Variants in JAKMIP1 observed in about 807,000 individuals in gnomAD.
JAKMIP1 encodes the protein janus kinase and microtubule interacting protein 1.
Under a neutral mutation model 113.0 loss-of-function variants are expected in JAKMIP1, and 33 were observed. The observed-to-expected ratio is 0.29, with a 90% confidence interval of 0.22 to 0.39. The LOEUF (loss-of-function observed/expected upper bound fraction) is 0.39. Ranked by LOEUF, JAKMIP1 falls within the 10% of genes least tolerant of loss-of-function variation. The pLI is 1.00. For synonymous variants in JAKMIP1, 480 were observed against 459.9 expected, an observed-to-expected ratio of 1.04 and a Z score of -0.56; for missense variants, 813 against 1,080.5, an observed-to-expected ratio of 0.75 and a Z score of 3.47.
In JAKMIP1 at chr4:6,066,055, T is replaced by C. The variant is rs948291691; in HGVS notation, c.1303-1047A>G. ...TTTATTTGTTTTTACAATCAATGAA[T>C]GCCTTTCAGACCATGAAGAATGAAT... On this transcript the variant is annotated intron_variant, in intron 8 of 20. Transcript: ENST00000409021. 2.6e-5 allele frequency among the ~76,000 whole-genome samples: 4 copies of C among 152,236 alleles called. No individual in the cohort carries two copies. The South Asian group carries it at 8.3e-4, about 32-fold the overall frequency.
Position 6,154,374 on chromosome 4 carries a change from C to T in JAKMIP1, c.-147-41377G>A, listed in dbSNP as rs1437859965. 1.3e-5 allele frequency among the ~76,000 whole-genome samples: 2 copies of T among 152,014 alleles called. No homozygotes were observed. The highest frequency in any genetic ancestry group is 1.3e-4 in the Admixed American group (2 of 15,278). ...AATCTGCATGCCCAGAAAGGATTTACCACAAAGAGCGTGAAGAGAGTGGTC... is the reference window on the plus strand; with the variant it reads ...AATCTGCATGCCCAGAAAGGATTTATCACAAAGAGCGTGAAGAGAGTGGTC... On this transcript the variant is annotated intron_variant, in intron 1 of 20. Coordinates refer to ENST00000409021, the MANE Select transcript of JAKMIP1 (RefSeq NM_001099433.2). The surrounding 1 kb of genome is among the most constrained non-coding windows in gnomAD (Gnocchi z 4.2).
In JAKMIP1 at chr4:6,199,200, G is replaced by C. The variant is rs1728178144; in HGVS notation, c.-148+1053C>G. On this transcript the variant is annotated intron_variant, in intron 1 of 20. Coordinates refer to ENST00000409021, the MANE Select transcript of JAKMIP1 (RefSeq NM_001099433.2). This position sits in a 1 kb window ranked among gnomAD's most constrained non-coding sequence, Gnocchi z 5.6. ...CGCAGATGGGGCGGGCGGCGGAGGA[G>C]GGCTGGCGGTTAGATACAGTATCGC... Among the ~76,000 whole-genome samples the C allele has an allele frequency of 6.6e-6, 1 of 152,246 alleles. No homozygotes were observed. The highest frequency in any genetic ancestry group is 6.5e-5 in the Admixed American group (1 of 15,290).
rs542463910 is a variant in JAKMIP1, at chr4:6,136,017, G to A, written c.-147-23020C>T. On this transcript the variant is annotated intron_variant, in intron 1 of 20. Transcript: ENST00000409021. The surrounding 1 kb of genome is among the most constrained non-coding windows in gnomAD (Gnocchi z 5.9). ...TCCCAGCACTTTGAGAGGCCAAGGTGGGTGGATCACTTGAGGTCAGGAGTT... is the reference window on the plus strand; with the variant it reads ...TCCCAGCACTTTGAGAGGCCAAGGTAGGTGGATCACTTGAGGTCAGGAGTT... Among the ~76,000 whole-genome samples, 1 of 152,306 alleles carries A rather than the reference G, an allele frequency of 6.6e-6. No individual in the cohort carries two copies. Among genetic ancestry groups the A allele is most frequent in the South Asian group, 2.1e-4 (1 of 4,816 alleles).
chr4:6,039,566 A>G (rs1714042225), intron 18 of JAKMIP1, among the ~76,000 whole-genome samples: 1 of 152,168 alleles, frequency 6.6e-6, no homozygotes, highest in African/African-American at 2.4e-5. Context: ...CCAAAACACG[A>G]ATGGAGAATG....
Position 6,093,020 on chromosome 4 carries a change from T to C in JAKMIP1, c.625-7391A>G, listed in dbSNP as rs1379164790. ...TTACTGGGAATCCAAGTATCACATA[T>C]CATCATGGCTATTTTAGAGATATGG... is the stretch of plus-strand genomic sequence containing the variant. On this transcript the variant is annotated intron_variant, in intron 3 of 20. Transcript: ENST00000409021. The surrounding 1 kb of genome is among the most constrained non-coding windows in gnomAD (Gnocchi z 4.6). Among the ~76,000 whole-genome samples, 1 of 152,242 alleles carries C rather than the reference T, an allele frequency of 6.6e-6. No individual in the cohort carries two copies.
rs1057020799 is a variant in JAKMIP1, at chr4:6,067,115, C to G, written c.1303-2107G>C. 1.7e-4 allele frequency among the ~76,000 whole-genome samples: 26 copies of G among 152,208 alleles called. No homozygotes were observed. The highest frequency in any genetic ancestry group is 6.3e-4 in the African/African-American group (26 of 41,444). On this transcript the variant is annotated intron_variant, in intron 8 of 20. Coordinates refer to ENST00000409021, the MANE Select transcript of JAKMIP1 (RefSeq NM_001099433.2). The surrounding 1 kb of genome is among the most constrained non-coding windows in gnomAD (Gnocchi z 4.6). Reference sequence around the variant, plus strand: ...CTTTATTCCTTTCCATAGCACATCTCCCCGCTGACGTAAGATCTGGCAAGC... The same window carrying G: ...CTTTATTCCTTTCCATAGCACATCTGCCCGCTGACGTAAGATCTGGCAAGC...
At chr4:6,078,884 C>T in intron 8 of JAKMIP1, 55 bp downstream of exon 8, 1 of 1,574,980 alleles carries the variant, frequency 6.3e-7, no homozygotes, top group Non-Finnish European at 8.7e-7. Flanking sequence ...CCCATCTGCC[C>T]TGCAGATCCG....
chr4:6,093,127 C>T lies in JAKMIP1; in HGVS notation c.625-7498G>A, dbSNP rs1254240492. 6.6e-6 allele frequency among the ~76,000 whole-genome samples: 1 copy of T among 152,200 alleles called. No homozygotes were observed. Among genetic ancestry groups the T allele is most frequent in the African/African-American group, 2.4e-5 (1 of 41,448 alleles). Reference sequence around the variant, plus strand: ...CTGCATAGGATCACCTAACAAACTCCTATGCATCCTTCAAAACCCAGCTCA... The same window carrying T: ...CTGCATAGGATCACCTAACAAACTCTTATGCATCCTTCAAAACCCAGCTCA... On this transcript the variant is annotated intron_variant, in intron 3 of 20. Transcript: ENST00000409021. The surrounding 1 kb of genome is among the most constrained non-coding windows in gnomAD (Gnocchi z 4.6).
chr4:6,146,038 T>A (rs1213657512), intron 1 of JAKMIP1, among the ~76,000 whole-genome samples: 1 of 152,192 alleles, frequency 6.6e-6, no homozygotes, highest in Admixed American at 6.5e-5. Context: ...TCTCAATAGA[T>A]GAATAGACAA....
intron 3 of JAKMIP1, among the ~76,000 whole-genome samples, chr4:6,098,678 A>G (rs866381137): frequency 0.13 from 1,266 of 9,740 alleles, 14 homozygotes; most frequent in African/African-American, 0.18. Context: ...GAGAGAAAGA[A>G]AGAAAGAAAG....
chr4:6,142,712 T>C lies in JAKMIP1; in HGVS notation c.-147-29715A>G, dbSNP rs898236843. ...CCCTGAGGTTTCCAGGAGATGGCAA[T>C]GGATGGGGTGCTCTGGCCCCGGGGC... On this transcript the variant is annotated intron_variant, in intron 1 of 20. Transcript: ENST00000409021. This position sits in a 1 kb window ranked among gnomAD's most constrained non-coding sequence, Gnocchi z 5.5. 6.6e-6 allele frequency among the ~76,000 whole-genome samples: 1 copy of C among 152,112 alleles called. No individual in the cohort carries two copies. The highest frequency in any genetic ancestry group is 1.5e-5 in the Non-Finnish European group (1 of 68,028).
rs1324222839 is a variant in JAKMIP1 at position 6,050,760 on chromosome 4, A to T, written c.1807-81T>A. On this transcript the variant is annotated intron_variant, in intron 13 of 20. Coordinates refer to ENST00000409021, the MANE Select transcript of JAKMIP1 (RefSeq NM_001099433.2). This position sits in a 1 kb window ranked among gnomAD's most constrained non-coding sequence, Gnocchi z 7.4. ...CATTTTCCCACGTTACTCAGCAAAA[A>T]CCAAGGAATTCCAGTGGGCACAGAC... 2 of 1,152,958 alleles carry T rather than the reference A, an allele frequency of 1.7e-6. No homozygotes were observed. Among genetic ancestry groups the T allele is most frequent in the Non-Finnish European group, 2.5e-6 (2 of 790,702 alleles). 71.4% of individuals were successfully genotyped at this position (1,152,958 alleles called of 1,614,324 possible).
At chr4:6,066,541 G>A (rs768211667) in intron 8 of JAKMIP1, among the ~76,000 whole-genome samples, 5 of 152,006 alleles carry the variant, frequency 3.3e-5, no homozygotes, top group Admixed American at 6.6e-5. Context: ...GAATCCTAGC[G>A]GGCAGTGACT....
Position 6,065,097 on chromosome 4 carries a change from G to A in JAKMIP1, c.1303-89C>T. The A allele has an allele frequency of 6.6e-7, 1 of 1,513,248 alleles. No homozygotes were observed. Among genetic ancestry groups the A allele is most frequent in the Non-Finnish European group, 9.1e-7 (1 of 1,099,486 alleles). 93.7% of individuals were successfully genotyped at this position (1,513,248 alleles called of 1,614,324 possible). A position where few individuals can be genotyped will look rare whatever the true frequency, so the allele number is the denominator to read the frequency against. ...GGTCGTGGGCATGCCAGTGCAGGGG[G>A]GTGATGATTGACATTTGGGCCACTG... is the stretch of plus-strand genomic sequence containing the variant. On this transcript the variant is annotated intron_variant, in intron 8 of 20. Transcript: ENST00000409021. The surrounding 1 kb of genome is among the most constrained non-coding windows in gnomAD (Gnocchi z 5.1).
intron 19 of JAKMIP1, 146 bp downstream of exon 19, chr4:6,035,758 G>T: frequency 1.4e-6 from 1 of 695,154 alleles, no homozygotes; most frequent in Non-Finnish European, 2.4e-6. Flanking sequence ...GGGCATCTAT[G>T]AAATCTTGCT....
At chr4:6,060,546 C>A in intron 10 of JAKMIP1, 39 bp from the exon 11 acceptor site, 1 of 1,439,578 alleles carries the variant, frequency 6.9e-7, no homozygotes, top group Non-Finnish European at 9.8e-7. Context: ...AGGTCACCTC[C>A]AATGGGTGAC....
At position 6,097,927 on chromosome 4, in the gene JAKMIP1, A is replaced by G. The variant is rs889996319; in HGVS notation, c.624+7546T>C. 3.3e-5 allele frequency among the ~76,000 whole-genome samples: 5 copies of G among 152,226 alleles called. No individual in the cohort carries two copies. The highest frequency in any genetic ancestry group is 1.2e-4 in the African/African-American group (5 of 41,446). On this transcript the variant is annotated intron_variant, in intron 3 of 20. Coordinates refer to ENST00000409021, the MANE Select transcript of JAKMIP1 (RefSeq NM_001099433.2). The surrounding 1 kb of genome is among the most constrained non-coding windows in gnomAD (Gnocchi z 4.3). ...AGCTCTCTCCGTGGAACCGGAAAGAATAATTAAAATGCAATGCCCTTTATG... is the reference window on the plus strand; with the variant it reads ...AGCTCTCTCCGTGGAACCGGAAAGAGTAATTAAAATGCAATGCCCTTTATG...
At chr4:6,034,698 T>G (rs1578041640) in intron 19 of JAKMIP1, among the ~76,000 whole-genome samples, 2 of 152,024 alleles carry the variant, frequency 1.3e-5, no homozygotes, top group African/African-American at 4.8e-5. Flanking sequence ...GCTACTCAGG[T>G]GGCTGAGGCA....
rs1034113749 is a variant in JAKMIP1, at chr4:6,049,588, C to T, written c.1962+231G>A. On this transcript the variant is annotated intron_variant, in intron 15 of 20. Transcript: ENST00000409021. The surrounding 1 kb of genome is among the most constrained non-coding windows in gnomAD (Gnocchi z 7.0). ...TCTGGGTAGGGATTCTGAGGCTTTC[C>T]CGTCCCCTCCTCACTCAACAGGCCA... Among the ~76,000 whole-genome samples the T allele has an allele frequency of 2.0e-5, 3 of 152,006 alleles. No homozygotes were observed. The highest frequency in any genetic ancestry group is 4.4e-5 in the Non-Finnish European group (3 of 68,016).
Sources: gnomAD v4.1 joint callset for allele counts (sites outside exome capture counted in the v4.1 genomes callset) on GRCh38, gnomAD v4.1.1 for gene constraint, Gnocchi (gnomAD v3.1) non-coding constraint, MANE v1.5 for transcripts, NCBI Gene and HGNC (gene_info 2026-07-23, HGNC 2026-07-21) for gene names.